ADAM12: variants seen among roughly 807,000 people sequenced by gnomAD.
ADAM12 encodes the protein ADAM metallopeptidase domain 12.
In ADAM12, 70 loss-of-function variants were observed where a neutral mutation model predicts 106.4. The observed-to-expected ratio is 0.66, with a 90% CI of 0.54 to 0.80. The LOEUF (loss-of-function observed/expected upper bound fraction) is 0.80, where lower values mean the gene tolerates loss of function less well. Ranked by LOEUF, ADAM12 falls within the 30% of genes least tolerant of loss-of-function variation. The pLI is 0.00. For missense variants in ADAM12, 1,010 were observed against 1,171.9 expected (o/e 0.86, Z 2.02); for synonymous variants, 420 against 433.5 (o/e 0.97, Z 0.39).
intron 3 of ADAM12, among the ~76,000 whole-genome samples, chr10:126,199,282 A>T (rs764255050): frequency 2.6e-5 from 4 of 152,230 alleles, no homozygotes; most frequent in Non-Finnish European, 4.4e-5. Flanking sequence ...AGCCCTGCTG[A>T]AAACTTATCC....
At position 126,146,823 on chromosome 10, in the gene ADAM12, T is replaced by C. The variant is rs550968819; in HGVS notation, c.339+8404A>G. On this transcript the variant is annotated intron_variant, in intron 4 of 22. Coordinates refer to ENST00000448723, the MANE Select transcript of ADAM12 (RefSeq NM_001288973.2). ...CTTACCCCCACGCCTCTGGCCCAGA[T>C]AGTCACTGCGCACCTGCAACACTGC... 7.9e-5 allele frequency among the ~76,000 whole-genome samples: 12 copies of C among 152,310 alleles called. No individual in the cohort carries two copies. The South Asian group carries it at 1.7e-3, about 21-fold the overall frequency.
At chr10:126,136,117 G>T (rs1019315605) in intron 4 of ADAM12, among the ~76,000 whole-genome samples, 4 of 152,276 alleles carry the variant, frequency 2.6e-5, no homozygotes, top group Middle Eastern at 3.4e-3. Context: ...AGGAAGTGGG[G>T]GTGAAGAAGG....
chr10:126,164,411 T>C (rs1956989747), intron 3 of ADAM12, among the ~76,000 whole-genome samples: 1 of 152,184 alleles, frequency 6.6e-6, no homozygotes, highest in Non-Finnish European at 1.5e-5. Context: ...CCAACCGAGT[T>C]TTTTGCTGAA....
Position 126,135,977 on chromosome 10 carries a change from G to A in ADAM12, c.340-317C>T, listed in dbSNP as rs1442051244. 3.9e-5 allele frequency among the ~76,000 whole-genome samples: 6 copies of A among 152,148 alleles called. No homozygotes were observed. The East Asian group carries it at 5.8e-4, about 15-fold the overall frequency. Reference sequence around the variant, plus strand: ...CAGCAAAACAAATCACATTGACATCGCCATTTTACCCTCATGTAAATTGTC... The same window carrying A: ...CAGCAAAACAAATCACATTGACATCACCATTTTACCCTCATGTAAATTGTC... On this transcript the variant is annotated intron_variant, in intron 4 of 22. Transcript: ENST00000448723.
At chr10:126,039,551 GTGAGT>G in intron 18 of ADAM12, 122 bp from the exon 19 acceptor site, 8 of 1,139,938 alleles carry the variant, frequency 7.0e-6, no homozygotes, top group Non-Finnish European at 1.0e-5. Context: ...GAGTACACCC[GTGAGT>G]GATGTACTAA....
chr10:126,260,034 C>T (rs971151655), intron 3 of ADAM12, among the ~76,000 whole-genome samples: 2 of 152,196 alleles, frequency 1.3e-5, no homozygotes, highest in Admixed American at 1.3e-4. Flanking sequence ...ACAGTACTGC[C>T]TGCAAGGTCA....
intron 3 of ADAM12, among the ~76,000 whole-genome samples, chr10:126,221,379 G>C (rs977904490): frequency 1.1e-5 from 1 of 94,048 alleles, no homozygotes; most frequent in South Asian, 5.6e-4. Flanking sequence ...AACAGAGCAA[G>C]ACTCTGTCTC....
In ADAM12 at chr10:126,108,584, A is replaced by C; in HGVS notation, c.741+9T>G. Reference sequence around the variant, plus strand: ...ATCTGAATGATTTAACTACTGAAAAAGAACTTACCTTGTCAACGTGATTAG... The same window carrying C: ...ATCTGAATGATTTAACTACTGAAAACGAACTTACCTTGTCAACGTGATTAG... On this transcript the variant is annotated intron_variant, in intron 8 of 22. Coordinates refer to ENST00000448723, the MANE Select transcript of ADAM12 (RefSeq NM_001288973.2). The C allele has an allele frequency of 6.2e-7, 1 of 1,611,834 alleles. No individual in the cohort carries two copies. Among genetic ancestry groups the C allele is most frequent in the Non-Finnish European group, 8.5e-7 (1 of 1,177,900 alleles).
chr10:126,294,091 C>T (rs1960269190), intron 2 of ADAM12, among the ~76,000 whole-genome samples: 1 of 152,214 alleles, frequency 6.6e-6, no homozygotes, highest in Admixed American at 6.5e-5. Flanking sequence ...TTTGGATCAA[C>T]TGTATTAATG....
intron 3 of ADAM12, among the ~76,000 whole-genome samples, chr10:126,211,964 G>A (rs1351283216): frequency 1.3e-5 from 2 of 152,254 alleles, no homozygotes; most frequent in Non-Finnish European, 2.9e-5. Context: ...GACTGGAGCA[G>A]TTGTGAAGTC....
intron 3 of ADAM12, among the ~76,000 whole-genome samples, chr10:126,248,437 A>G (rs1958672646): frequency 6.6e-6 from 1 of 152,072 alleles, no homozygotes; most frequent in African/African-American, 2.4e-5. Context: ...GGCCCTCCCA[A>G]ACACAGGCCT....
At position 126,038,294 on chromosome 10, in the gene ADAM12, C is replaced by T. The variant is rs772807827; in HGVS notation, c.2296G>A (p.Gly766Ser). Reference protein sequence around the residue: ...RGFQPCQAHLGHLGKGLMRKP... With the variant: ...RGFQPCQAHLSHLGKGLMRKP... The stretch of plus-strand genomic sequence containing the variant: ...CTCATCAGGCCTTTTCCAAGGTGGC[C>T]GAGGTGAGCCTGACAGGGTTGGAAG... Residue 766 changes from glycine to serine, a missense_variant, in exon 20 of 23, where the codon GGC becomes AGC. By Grantham distance (56) the Gly-to-Ser change is moderately conservative. Transcript: ENST00000448723. 4.3e-6 allele frequency: 7 copies of T among 1,611,958 alleles called. No individual in the cohort carries two copies. The East Asian group carries it at 6.7e-5, about 15-fold the overall frequency.
At chr10:126,296,643 ATTT>A (rs1275157499) in intron 2 of ADAM12, among the ~76,000 whole-genome samples, 1 of 152,148 alleles carries the variant, frequency 6.6e-6, no homozygotes, top group African/African-American at 2.4e-5. Flanking sequence ...TGGTTGGAGT[ATTT>A]CAGATATGAG....
At chr10:126,114,095 C>T (rs573665825) in intron 6 of ADAM12, among the ~76,000 whole-genome samples, 2 of 152,212 alleles carry the variant, frequency 1.3e-5, no homozygotes, top group East Asian at 1.9e-4. Flanking sequence ...GCTCCAATTT[C>T]GGTTAGGAAA....
chr10:126,200,304 A>G (rs569580075), intron 3 of ADAM12, among the ~76,000 whole-genome samples: 9 of 152,298 alleles, frequency 5.9e-5, no homozygotes, highest in Non-Finnish European at 1.2e-4. Flanking sequence ...GGAGTAACAG[A>G]TTAATAACCA....
At chr10:126,331,863 T>A (rs1854522564) in intron 1 of ADAM12, among the ~76,000 whole-genome samples, 1 of 152,118 alleles carries the variant, frequency 6.6e-6, no homozygotes. Context: ...GATGGTGATA[T>A]CTGTGACACC....
At chr10:126,230,594 T>C (rs933684973) in intron 3 of ADAM12, among the ~76,000 whole-genome samples, 4 of 152,232 alleles carry the variant, frequency 2.6e-5, no homozygotes, top group Non-Finnish European at 5.9e-5. Flanking sequence ...GCCAATCTGA[T>C]AGATGAAAAA....
At chr10:126,237,657 A>G (rs1958444451) in intron 3 of ADAM12, among the ~76,000 whole-genome samples, 1 of 152,140 alleles carries the variant, frequency 6.6e-6, no homozygotes, top group Non-Finnish European at 1.5e-5. Flanking sequence ...TGCCACTTCA[A>G]ATAATATTTG....
intron 3 of ADAM12, among the ~76,000 whole-genome samples, chr10:126,168,292 A>T (rs1004688363): frequency 6.6e-6 from 1 of 151,678 alleles, no homozygotes; most frequent in Non-Finnish European, 1.5e-5. Flanking sequence ...TTCAAAATAT[A>T]TCTCTAGCAG....
Sources: allele counts gnomAD v4.1 joint callset (sites outside exome capture counted in the v4.1 genomes callset), GRCh38; gene constraint gnomAD v4.1.1; transcripts MANE v1.5; gene names NCBI Gene and HGNC (gene_info 2026-07-23, HGNC 2026-07-21).